The following AQR variants were observed in gnomAD, a reference collection of about 807,000 sequenced individuals.
AQR encodes the protein RNA helicase aquarius.
Under a neutral mutation model 180.5 loss-of-function variants are expected in AQR, and 61 were observed. The ratio of observed to expected loss-of-function variants is 0.34; its 90% confidence interval spans 0.28 to 0.42. AQR has a LOEUF of 0.42. AQR is among the 10% of genes least tolerant of loss of function. The pLI is 1.00. For missense variants in AQR, 1,281 were observed against 1,798.3 expected (o/e 0.71, Z 5.20); for synonymous variants, 551 against 588.8 (o/e 0.94, Z 0.93).
chr15:34,932,414 G>A lies in AQR; in HGVS notation c.804C>T (p.Arg268=). Residue 268 remains arginine, a synonymous_variant, in exon 11 of 35, where the codon CGC becomes CGT. Transcript: ENST00000156471. ...AATCATCCAGGATGGTATTAAACCA[G>A]CGCCTTGTGGGTAGCAGGGCCTGGG... ...IDLEALLPTR[R]WFNTILDDSH... 1 of 1,599,486 alleles carries A rather than the reference G, an allele frequency of 6.3e-7. No individual in the cohort carries two copies. The highest frequency in any genetic ancestry group is 1.7e-4 in the Middle Eastern group (1 of 5,990).
At chr15:34,950,551 C>T (rs554707954) in intron 4 of AQR, among the ~76,000 whole-genome samples, 1 of 151,878 alleles carries the variant, frequency 6.6e-6, no homozygotes, top group African/African-American at 2.4e-5. Context: ...CATTTCCCTC[C>T]CCCACGTCTA....
In AQR at chr15:34,890,403, C is replaced by A; in HGVS notation, c.2572-79G>T. On this transcript the variant is annotated intron_variant, in intron 23 of 34. Coordinates refer to ENST00000156471, the MANE Select transcript of AQR (RefSeq NM_014691.3). ...CATTTAGAAAGAATCAAAGTTGAAA[C>A]ACAGAAGGAAATCAGCCTTATATTA... 4 of 1,215,072 alleles carry A rather than the reference C, an allele frequency of 3.3e-6. No homozygotes were observed. The South Asian group carries it at 5.4e-5, about 16-fold the overall frequency. 75.3% of individuals were successfully genotyped at this position (1,215,072 alleles called of 1,614,324 possible).
At chr15:34,904,527 GT>G in intron 18 of AQR, 22 bp from the exon 19 acceptor site, 1 of 1,576,014 alleles carries the variant, frequency 6.3e-7, no homozygotes, top group Non-Finnish European at 8.6e-7. Context: ...GAAAAAGTTT[GT>G]TAAATAAAAT....
intron 13 of AQR, among the ~76,000 whole-genome samples, chr15:34,921,433 C>CAAAAAAAA (rs71119990): frequency 1.3e-5 from 1 of 74,906 alleles, no homozygotes. Context: ...GACTCCATCT[C>CAAAAAAAA]AAAAAAAAAA....
Position 34,915,196 on chromosome 15 carries a change from C to A in AQR, c.1343-17G>T, listed in dbSNP as rs2044920. On this transcript the variant is annotated splice_polypyrimidine_tract_variant and intron_variant, in intron 15 of 34. Coordinates refer to ENST00000156471, the MANE Select transcript of AQR (RefSeq NM_014691.3). ...CAAGACAACCTGAAAAGGAAAAAAA[C>A]ATCCATATTTCAATTTTTTTTTTTT... 9.6e-6 allele frequency: 15 copies of A among 1,558,512 alleles called. No individual in the cohort carries two copies. The highest frequency in any genetic ancestry group is 1.2e-5 in the South Asian group (1 of 83,460).
Position 34,904,322 on chromosome 15 carries a change from T to G in AQR, c.2001+14A>C. On this transcript the variant is annotated intron_variant, in intron 19 of 34. Transcript: ENST00000156471. ...TTATGACATAGTACTTTTAGTTACA[T>G]ACCCCCAAATTACCTTAAAGTTATT... 6.5e-7 allele frequency: 1 copy of G among 1,547,478 alleles called. No homozygotes were observed. The highest frequency in any genetic ancestry group is 2.1e-4 in the Middle Eastern group (1 of 4,748).
At chr15:34,944,807 T>G (rs923029016) in intron 5 of AQR, among the ~76,000 whole-genome samples, 2 of 152,226 alleles carry the variant, frequency 1.3e-5, no homozygotes, top group Non-Finnish European at 2.9e-5. Context: ...GTTTTCACAC[T>G]GTAATTAATC....
At chr15:34,857,787 G>C (rs1892609947) in intron 34 of AQR, among the ~76,000 whole-genome samples, 1 of 152,122 alleles carries the variant, frequency 6.6e-6, no homozygotes, top group South Asian at 2.1e-4. Context: ...AGCCCTGTGA[G>C]AGGCAGAGAG....
At chr15:34,871,956 T>TA (rs11321995) in intron 30 of AQR, among the ~76,000 whole-genome samples, 3,610 of 136,426 alleles carry the variant, frequency 0.026, 109 homozygotes, top group African/African-American at 0.085. Context: ...ACACAATATT[T>TA]AAAAAAAAAA....
Position 34,944,383 on chromosome 15 carries a change from T to C in AQR, c.376A>G (p.Ile126Val), listed in dbSNP as rs1159911441. The stretch of plus-strand genomic sequence containing the variant: ...GTTTCAGCTAATGCCGCCTTCAAGA[T>C]GTGTTTAAAAAAGAATGGGAAGTGG... ...PDHFPFFFKH[I>V]LKAALAETDG... Residue 126 changes from isoleucine (I) to valine (V), a missense_variant, in exon 6 of 35, where the codon ATC becomes GTC. Physicochemically the swap from Ile to Val is conservative, Grantham distance 29. This residue lies in a region of AQR where 404 missense variants were observed against 490.9 expected (regional missense o/e 0.82). Coordinates refer to ENST00000156471, the MANE Select transcript of AQR (RefSeq NM_014691.3). The C allele has an allele frequency of 6.2e-7, 1 of 1,609,384 alleles. No individual in the cohort carries two copies. Among genetic ancestry groups the C allele is most frequent in the Middle Eastern group, 1.7e-4 (1 of 6,044 alleles).
Position 34,884,098 on chromosome 15 carries a change from T to C in AQR, c.3027+427A>G, listed in dbSNP as rs768130482. Among the ~76,000 whole-genome samples the C allele has an allele frequency of 1.6e-3, 237 of 152,270 alleles. 1 individual carries two copies. Among genetic ancestry groups the C allele is most frequent in the Non-Finnish European group, 2.7e-3 (183 of 68,022 alleles). ...CAATTTATATCTTACTTAAAATTAA[T>C]CTAATTTCTAAGATTTGAATATTTT... On this transcript the variant is annotated intron_variant, in intron 26 of 34. Coordinates refer to ENST00000156471, the MANE Select transcript of AQR (RefSeq NM_014691.3).
intron 16 of AQR, among the ~76,000 whole-genome samples, chr15:34,910,991 T>G (rs1893491047): frequency 6.6e-6 from 1 of 152,216 alleles, no homozygotes; most frequent in Admixed American, 6.5e-5. Flanking sequence ...TCTATGAATT[T>G]GCCTTTTTTA....
At chr15:34,897,511 T>A in intron 21 of AQR, 48 bp downstream of exon 21, 1 of 1,599,308 alleles carries the variant, frequency 6.3e-7, no homozygotes, top group Non-Finnish European at 8.5e-7. Flanking sequence ...CCAGTTGAAA[T>A]GGCAAACTAT....
chr15:34,966,863 C>T lies in AQR; in HGVS notation c.76-2573G>A, dbSNP rs1405005740. ...AGGTAATCTTTGCCTTCAAGGCCACCCTGGCCTTTTTTTTTTTTTTTTTTT... is the reference window on the plus strand; with the variant it reads ...AGGTAATCTTTGCCTTCAAGGCCACTCTGGCCTTTTTTTTTTTTTTTTTTT... On this transcript the variant is annotated intron_variant, in intron 1 of 34. Transcript: ENST00000156471. Among the ~76,000 whole-genome samples the T allele has an allele frequency of 2.1e-5, 3 of 144,566 alleles. No homozygotes were observed. The East Asian group carries it at 6.1e-4, about 29-fold the overall frequency. The allele number at this position is 144,566 out of a possible 152,430, so 94.8% of individuals were successfully genotyped here.
intron 20 of AQR, 61 bp from the exon 21 acceptor site, chr15:34,897,766 T>C: frequency 6.4e-7 from 1 of 1,561,182 alleles, no homozygotes; most frequent in South Asian, 1.1e-5. Flanking sequence ...AGTACCTATC[T>C]GGTGCATGAC....
At position 34,942,730 on chromosome 15, in the gene AQR, T is replaced by C. The variant is rs185909971; in HGVS notation, c.472-650A>G. ...TAGAAACACACATAAAATAAGGCTA[T>C]GTATTGATAGTTTGTAAAATGTCAT... is the stretch of plus-strand genomic sequence containing the variant. On this transcript the variant is annotated intron_variant, in intron 6 of 34. Transcript: ENST00000156471. 4.3e-4 allele frequency among the ~76,000 whole-genome samples: 66 copies of C among 152,334 alleles called. No homozygotes were observed. In the East Asian group the frequency reaches 0.01, roughly 24 times the overall value.
chr15:34,856,834 G>C lies in AQR; in HGVS notation c.4416C>G (p.Asn1472Lys), dbSNP rs1426545536. 1 of 1,597,312 alleles carries C rather than the reference G, an allele frequency of 6.3e-7. No individual in the cohort carries two copies. Among genetic ancestry groups the C allele is most frequent in the Admixed American group, 1.7e-5 (1 of 58,876 alleles). ...VGAVSAPAEANTPQDATSAPE... is the reference protein window; with the variant it reads ...VGAVSAPAEAKTPQDATSAPE... Reference sequence around the variant, plus strand: ...GGGCAGATGTGGCATCCTGAGGTGTGTTAGCTTCTGCCGGTGCAGATACAG... The same window carrying C: ...GGGCAGATGTGGCATCCTGAGGTGTCTTAGCTTCTGCCGGTGCAGATACAG... Residue 1472 changes from asparagine to lysine, a missense_variant, in exon 35 of 35, where the codon AAC (asparagine) becomes AAG (lysine). By Grantham distance (94) the Asn-to-Lys change is moderately conservative. This residue lies in a region of AQR where 182 missense variants were observed against 185.3 expected (regional missense o/e 0.98). Transcript: ENST00000156471.
At chr15:34,905,862 C>T (rs1893405054) in intron 18 of AQR, among the ~76,000 whole-genome samples, 2 of 152,220 alleles carry the variant, frequency 1.3e-5, no homozygotes, top group South Asian at 4.2e-4. Context: ...CATGGTGAAA[C>T]TCTGTCTCTA....
intron 14 of AQR, 88 bp from the exon 15 acceptor site, chr15:34,918,466 A>C: frequency 6.8e-7 from 1 of 1,477,404 alleles, no homozygotes. Context: ...CATGCCTATC[A>C]GTTATTGTAG....
Sources: allele counts gnomAD v4.1 joint callset (sites outside exome capture counted in the v4.1 genomes callset), GRCh38; gene constraint gnomAD v4.1.1; regional missense constraint gnomAD v4.1.1; transcripts MANE v1.5; gene names NCBI Gene and HGNC (gene_info 2026-07-23, HGNC 2026-07-21).